Variants in ROBO2 observed in about 807,000 individuals in gnomAD.
The protein encoded by ROBO2 is roundabout guidance receptor 2.
Under a neutral mutation model 160.8 loss-of-function variants are expected in ROBO2, and 53 were observed. The observed-to-expected ratio is 0.33, with a 90% confidence interval of 0.26 to 0.41. The LOEUF (loss-of-function observed/expected upper bound fraction) is 0.41. Among genes scored for constraint, ROBO2 ranks in the 10% least tolerant of loss-of-function variants. ROBO2 has a pLI of 1.00. For synonymous variants in ROBO2, 664 were observed against 611.7 expected, an observed-to-expected ratio of 1.09 and a Z score of -1.26; for missense variants, 1,577 against 1,722.4, an observed-to-expected ratio of 0.92 and a Z score of 1.49.
chr3:76,214,852 G>T (rs1266015474), intron 2 of ROBO2, among the ~76,000 whole-genome samples: 1 of 152,196 alleles, frequency 6.6e-6, no homozygotes, highest in Non-Finnish European at 1.5e-5. Flanking sequence ...CTGAGAACGG[G>T]CAGACTGCCT....
chr3:77,432,078 A>G (rs957178405), intron 2 of ROBO2, among the ~76,000 whole-genome samples: 9 of 152,170 alleles, frequency 5.9e-5, no homozygotes, highest in African/African-American at 2.2e-4. Context: ...TGCATACTCT[A>G]TGCCTCTAGC....
chr3:77,129,470 C>T (rs2075651309), intron 2 of ROBO2, among the ~76,000 whole-genome samples: 1 of 152,206 alleles, frequency 6.6e-6, no homozygotes, highest in African/African-American at 2.4e-5. Flanking sequence ...ATTTGACGAA[C>T]TCTTGGAAAG....
intron 2 of ROBO2, among the ~76,000 whole-genome samples, chr3:76,058,645 C>CTT (rs551924637): frequency 2.6e-3 from 279 of 106,462 alleles, no homozygotes; most frequent in African/African-American, 9.7e-3. Flanking sequence ...GTTTCCTTGC[C>CTT]TTTTTTTTTA....
chr3:77,295,514 A>G (rs985580288), intron 2 of ROBO2, among the ~76,000 whole-genome samples: 1 of 150,694 alleles, frequency 6.6e-6, no homozygotes, highest in Non-Finnish European at 1.5e-5. Flanking sequence ...CATAAAGTAA[A>G]TTGACGGTTA....
Position 77,179,120 on chromosome 3 carries a change from A to ATT in ROBO2, c.388+80788_388+80789dup, listed in dbSNP as rs148797226. 4.0e-3 allele frequency among the ~76,000 whole-genome samples: 602 copies of ATT among 151,520 alleles called. 5 individuals carry two copies. The highest frequency in any genetic ancestry group is 0.014 in the African/African-American group (568 of 41,328). The stretch of plus-strand genomic sequence containing the variant: ...TTAGAAACACTGAAAATGAAAGGCT[A>ATT]TTTTTTTTTAAAAATCTGTCTTTTC... On this transcript the variant is annotated intron_variant, in intron 2 of 25. Transcript: ENST00000461745.
rs186067660 is a variant in ROBO2, at chr3:76,194,705, C to T, written c.109+257103C>T. On this transcript the variant is annotated intron_variant, in intron 2 of 26. Transcript: ENST00000487694. ...CACAATCTCGACTCACTGCAACCTCCGACTCCCTGGTTCAAGTGATTCTCC... is the reference window on the plus strand; with the variant it reads ...CACAATCTCGACTCACTGCAACCTCTGACTCCCTGGTTCAAGTGATTCTCC... Among the ~76,000 whole-genome samples, 337 of 151,866 alleles carry T rather than the reference C, an allele frequency of 2.2e-3. 5 individuals are homozygous for T. The highest frequency in any genetic ancestry group is 4.1e-3 in the Admixed American group (62 of 15,236).
At chr3:76,467,170 C>T (rs1330433301) in intron 2 of ROBO2, among the ~76,000 whole-genome samples, 2 of 151,952 alleles carry the variant, frequency 1.3e-5, no homozygotes, top group Non-Finnish European at 2.9e-5. Context: ...TCTTTTTAAC[C>T]AAGCCATTGG....
At chr3:76,837,333 TAATC>T (rs2109444605) in intron 2 of ROBO2, among the ~76,000 whole-genome samples, 1 of 152,036 alleles carries the variant, frequency 6.6e-6, no homozygotes, top group East Asian at 1.9e-4. Context: ...GGCTTCAAAT[TAATC>T]AATAAGGAAT....
At chr3:76,539,179 C>T (rs2082680872) in intron 2 of ROBO2, among the ~76,000 whole-genome samples, 1 of 151,974 alleles carries the variant, frequency 6.6e-6, no homozygotes, top group Non-Finnish European at 1.5e-5. Flanking sequence ...GAACATCACA[C>T]ACTGGGGCCT....
intron 2 of ROBO2, among the ~76,000 whole-genome samples, chr3:75,948,589 T>C (rs1948413764): frequency 6.6e-6 from 1 of 152,036 alleles, no homozygotes; most frequent in Non-Finnish European, 1.5e-5. Context: ...AGCCTTCTGG[T>C]AGTACCCTGT....
chr3:77,136,959 T>C (rs35251358), intron 2 of ROBO2, among the ~76,000 whole-genome samples: 1,730 of 152,130 alleles, frequency 0.011, 26 homozygotes, highest in Non-Finnish European at 0.015. Flanking sequence ...TTTTAAATTA[T>C]TTTTTGTAGA....
At chr3:76,117,585 A>C (rs1446524547) in intron 2 of ROBO2, among the ~76,000 whole-genome samples, 14 of 152,140 alleles carry the variant, frequency 9.2e-5, no homozygotes, top group Non-Finnish European at 2.9e-5. Flanking sequence ...ATCAGTTCTT[A>C]CTTCATGTGG....
chr3:77,043,590 C>T (rs58407484), intron 1 of ROBO2, among the ~76,000 whole-genome samples: 16,550 of 152,100 alleles, frequency 0.11, 1,232 homozygotes, highest in East Asian at 0.21. Flanking sequence ...CTTATTGATG[C>T]AGATTAATCA....
chr3:76,418,846 C>T (rs1274951075), intron 2 of ROBO2, among the ~76,000 whole-genome samples: 1 of 152,004 alleles, frequency 6.6e-6, no homozygotes, highest in Non-Finnish European at 1.5e-5. Context: ...GTTTGCAGGT[C>T]ATGTTAGTTA....
At position 76,658,337 on chromosome 3, in the gene ROBO2, C is replaced by CT. The variant is rs753581123; in HGVS notation, c.110-439668dup. On this transcript the variant is annotated intron_variant, in intron 2 of 26. Transcript: ENST00000487694. ...TTACACTTCCTATGTTGAAACTTGC[C>CT]TTTTTTTTTATTATTATACTTTAAG... Among the ~76,000 whole-genome samples the CT allele has an allele frequency of 4.7e-4, 71 of 150,218 alleles. 1 individual carries two copies. In the East Asian group the frequency reaches 9.4e-3, roughly 20 times the overall value.
intron 1 of ROBO2, among the ~76,000 whole-genome samples, chr3:77,077,447 G>A (rs1384969381): frequency 2.0e-5 from 3 of 151,914 alleles, no homozygotes; most frequent in Admixed American, 6.5e-5. Flanking sequence ...CAGAATTCTA[G>A]GACAATAATG....
At chr3:77,203,198 C>T (rs971955863) in intron 2 of ROBO2, among the ~76,000 whole-genome samples, 2 of 152,154 alleles carry the variant, frequency 1.3e-5, no homozygotes, top group African/African-American at 4.8e-5. Context: ...AAATGTGCTA[C>T]CCTAATTGTG....
At chr3:76,254,057 A>G (rs970106031) in intron 2 of ROBO2, among the ~76,000 whole-genome samples, 5 of 152,228 alleles carry the variant, frequency 3.3e-5, no homozygotes, top group Non-Finnish European at 7.4e-5. Flanking sequence ...ATAAAGTGGT[A>G]ATTATACCAG....
intron 2 of ROBO2, among the ~76,000 whole-genome samples, chr3:77,098,613 G>C (rs945984865): frequency 7.2e-5 from 11 of 151,962 alleles, no homozygotes; most frequent in African/African-American, 1.2e-4. Flanking sequence ...TTTGGGAGGC[G>C]GAGGCGGGCG....
Sources: gnomAD v4.1 joint callset for allele counts (sites outside exome capture counted in the v4.1 genomes callset) on GRCh38, gnomAD v4.1.1 for gene constraint, MANE v1.5 for transcripts, NCBI Gene and HGNC (gene_info 2026-07-23, HGNC 2026-07-21) for gene names.